CDH9: variants seen among roughly 807,000 people sequenced by gnomAD.
CDH9 encodes the protein cadherin 9, also known as cadherin-9.
In CDH9, 28 loss-of-function variants were observed where a neutral mutation model predicts 70.9. That is an observed-to-expected ratio of 0.40 (90% CI 0.29 to 0.54). The LOEUF is 0.54. Ranked by LOEUF, CDH9 falls within the 20% of genes least tolerant of loss-of-function variation. The pLI, the probability that CDH9 is intolerant of heterozygous loss-of-function variation, is 0.59. For missense variants in CDH9, 874 were observed against 984.4 expected (o/e 0.89, Z 1.50); for synonymous variants, 409 against 343.1 (o/e 1.19, Z -2.12).
intron 2 of CDH9, among the ~76,000 whole-genome samples, chr5:26,962,280 A>C (rs1430438634): frequency 6.6e-6 from 1 of 152,152 alleles, no homozygotes; most frequent in Non-Finnish European, 1.5e-5. Context: ...GCCACAATAA[A>C]CATACTTGTG....
chr5:27,014,491 C>T (rs1267202452), intron 1 of CDH9, among the ~76,000 whole-genome samples: 1 of 151,820 alleles, frequency 6.6e-6, no homozygotes, highest in Non-Finnish European at 1.5e-5. Context: ...CACAATGTAA[C>T]CACTATGTTG....
At chr5:26,941,940 T>G (rs1741669270) in intron 2 of CDH9, among the ~76,000 whole-genome samples, 1 of 152,186 alleles carries the variant, frequency 6.6e-6, no homozygotes, top group Non-Finnish European at 1.5e-5. Context: ...GGGCATCACA[T>G]GGCAAGAGGG....
intron 2 of CDH9, 89 bp from the exon 3 acceptor site, chr5:26,916,013 A>G: frequency 1.3e-6 from 1 of 779,100 alleles, no homozygotes; most frequent in African/African-American, 1.7e-5. Context: ...TCGTCTCCAT[A>G]TAACAGCTCT....
intron 1 of CDH9, among the ~76,000 whole-genome samples, chr5:26,995,795 A>G (rs1311758645): frequency 6.6e-6 from 1 of 152,112 alleles, no homozygotes; most frequent in East Asian, 1.9e-4. Context: ...TTGCATTTTA[A>G]TCACATTTTT....
chr5:26,989,117 A>G (rs1466691602), intron 1 of CDH9, among the ~76,000 whole-genome samples: 4 of 152,086 alleles, frequency 2.6e-5, no homozygotes, highest in Non-Finnish European at 5.9e-5. Context: ...ATAGCATTGA[A>G]ACTTGATATT....
chr5:26,931,047 A>G (rs1197297939), intron 2 of CDH9, among the ~76,000 whole-genome samples: 1 of 152,190 alleles, frequency 6.6e-6, no homozygotes, highest in Non-Finnish European at 1.5e-5. Context: ...AGTTTAGGCT[A>G]ATATGCATTA....
intron 3 of CDH9, among the ~76,000 whole-genome samples, chr5:26,909,265 G>T (rs1051819948): frequency 6.6e-6 from 1 of 152,102 alleles, no homozygotes; most frequent in Non-Finnish European, 1.5e-5. Flanking sequence ...TTACAGGCGT[G>T]AGCCACCGTG....
At chr5:26,990,427 A>C (rs1392384946) in intron 1 of CDH9, among the ~76,000 whole-genome samples, 1 of 152,156 alleles carries the variant, frequency 6.6e-6, no homozygotes, top group Non-Finnish European at 1.5e-5. Flanking sequence ...TTCCAGAATT[A>C]CAGTAATACA....
chr5:26,982,712 G>A (rs967957115), intron 2 of CDH9, among the ~76,000 whole-genome samples: 5 of 151,748 alleles, frequency 3.3e-5, no homozygotes, highest in Non-Finnish European at 5.9e-5. Context: ...TTTTTGAGAT[G>A]GAGTCTTGCT....
chr5:27,020,963 G>A (rs1421038919), intron 1 of CDH9, among the ~76,000 whole-genome samples: 1 of 151,540 alleles, frequency 6.6e-6, no homozygotes, highest in African/African-American at 2.4e-5. Flanking sequence ...CCTTAATTTT[G>A]GGAAGTGTTC....
chr5:26,920,464 A>C (rs890969773), intron 2 of CDH9, among the ~76,000 whole-genome samples: 2 of 151,954 alleles, frequency 1.3e-5, no homozygotes, highest in Non-Finnish European at 2.9e-5. Flanking sequence ...GGAAGAATAT[A>C]AGCCTGGCTA....
chr5:26,992,849 C>T (rs1292524078), intron 1 of CDH9, among the ~76,000 whole-genome samples: 1 of 152,080 alleles, frequency 6.6e-6, no homozygotes, highest in Non-Finnish European at 1.5e-5. Flanking sequence ...GTAATCCTAG[C>T]ACATTAGAAG....
At chr5:26,943,074 C>A (rs987138420) in intron 2 of CDH9, among the ~76,000 whole-genome samples, 4 of 152,072 alleles carry the variant, frequency 2.6e-5, no homozygotes, top group African/African-American at 2.4e-5. Context: ...TACCTTCCTG[C>A]CAATACTAGC....
At chr5:26,903,858 A>C in intron 5 of CDH9, 34 bp from the exon 6 acceptor site, 1 of 1,140,684 alleles carries the variant, frequency 8.8e-7, no homozygotes, top group Non-Finnish European at 1.3e-6. Flanking sequence ...TTGACATTTC[A>C]TCTTTATATA....
chr5:26,954,684 C>G (rs968616397), intron 2 of CDH9, among the ~76,000 whole-genome samples: 1 of 151,852 alleles, frequency 6.6e-6, no homozygotes, highest in African/African-American at 2.4e-5. Context: ...GCGCCCAGCT[C>G]TATAACAGCC....
intron 2 of CDH9, among the ~76,000 whole-genome samples, chr5:26,968,763 T>C (rs1247948347): frequency 6.6e-6 from 1 of 151,422 alleles, no homozygotes; most frequent in African/African-American, 2.5e-5. Flanking sequence ...AAGAGGGAGA[T>C]GGTGCCATAT....
At chr5:26,975,786 C>T (rs1214088805) in intron 2 of CDH9, among the ~76,000 whole-genome samples, 2 of 152,116 alleles carry the variant, frequency 1.3e-5, no homozygotes, top group Non-Finnish European at 2.9e-5. Flanking sequence ...CTTCTTATAG[C>T]CTATATCATA....
chr5:26,982,497 A>G (rs1393390502), intron 2 of CDH9, among the ~76,000 whole-genome samples: 1 of 152,154 alleles, frequency 6.6e-6, no homozygotes, highest in Non-Finnish European at 1.5e-5. Context: ...CTCAGGATTC[A>G]GATTAATAAA....
chr5:26,915,553 A>G, intron 3 of CDH9, 77 bp downstream of exon 3: 2 of 849,818 alleles, frequency 2.4e-6, no homozygotes, highest in Non-Finnish European at 3.9e-6. Flanking sequence ...GCCACATATC[A>G]TAACCACAAG....
Sources: allele counts gnomAD v4.1 joint callset (sites outside exome capture counted in the v4.1 genomes callset), GRCh38; gene constraint gnomAD v4.1.1; transcripts MANE v1.5; gene names NCBI Gene and HGNC (gene_info 2026-07-23, HGNC 2026-07-21).